Variants in SMARCA2 observed in about 807,000 individuals in gnomAD.
SMARCA2 encodes SWI/SNF-related matrix-associated actin-dependent regulator of chromatin subfamily A member 2.
Under a neutral mutation model 199.8 loss-of-function variants are expected in SMARCA2, and 61 were observed. That is an observed-to-expected ratio of 0.31 (90% CI 0.25 to 0.38). The LOEUF (loss-of-function observed/expected upper bound fraction) is 0.38. Ranked by LOEUF, SMARCA2 falls within the 10% of genes least tolerant of loss-of-function variation. The pLI, the probability that SMARCA2 is intolerant of heterozygous loss-of-function variation, is 1.00. For synonymous variants in SMARCA2, 935 were observed against 732.0 expected (o/e 1.28, Z -4.48); for missense variants, 1,344 against 2,012.2 (o/e 0.67, Z 6.35).
rs537376653 is a variant in SMARCA2, at chr9:2,127,188, G to T, written c.3981+3251G>T. Among the ~76,000 whole-genome samples, 6 of 152,172 alleles carry T rather than the reference G, an allele frequency of 3.9e-5. No individual in the cohort carries two copies. The East Asian group carries it at 7.7e-4, about 20-fold the overall frequency. ...TTTCTTTGCTTGTCCTTCAGTCACA[G>T]TTTCCTAGTATTCTCGGTAGTTGCC... On this transcript the variant is annotated intron_variant, in intron 27 of 33. Transcript: ENST00000349721.
Position 2,087,161 on chromosome 9 carries a change from C to T in SMARCA2, c.2769+90C>T. The T allele has an allele frequency of 2.7e-6, 4 of 1,492,508 alleles. No individual in the cohort carries two copies. In the South Asian group the frequency reaches 3.7e-5, roughly 14 times the overall value. 92.5% of individuals were successfully genotyped at this position (1,492,508 alleles called of 1,614,324 possible). ...TGAGAACATTAGAGCCACAGAACAC[C>T]CGCAGGGTGGTTTCCACTGTTGTTT... On this transcript the variant is annotated intron_variant, in intron 18 of 33. Coordinates refer to ENST00000349721, the MANE Select transcript of SMARCA2 (RefSeq NM_003070.5).
At chr9:2,157,577 T>C (rs1194387635) in intron 27 of SMARCA2, 2 of 266,478 alleles carry the variant, frequency 7.5e-6, no homozygotes, top group Admixed American at 5.4e-5. Flanking sequence ...CCGTTGCACA[T>C]GGAAGAAATT....
chr9:2,146,265 C>G (rs1462820169), intron 27 of SMARCA2, among the ~76,000 whole-genome samples: 1 of 152,138 alleles, frequency 6.6e-6, no homozygotes, highest in Non-Finnish European at 1.5e-5. Flanking sequence ...CAATCATGAC[C>G]TAATCACCTC....
chr9:2,126,837 T>C (rs1266244407), intron 27 of SMARCA2, among the ~76,000 whole-genome samples: 3 of 152,258 alleles, frequency 2.0e-5, no homozygotes. Flanking sequence ...AAACTACCTT[T>C]TTGTCTGTGT....
chr9:2,067,065 C>T (rs1820875261), intron 9 of SMARCA2, among the ~76,000 whole-genome samples: 1 of 152,164 alleles, frequency 6.6e-6, no homozygotes, highest in Non-Finnish European at 1.5e-5. Flanking sequence ...TATCTCTTGT[C>T]ATAGAGTAGA....
chr9:2,099,472 G>A (rs1822413638), intron 21 of SMARCA2, among the ~76,000 whole-genome samples: 1 of 152,174 alleles, frequency 6.6e-6, no homozygotes, highest in Admixed American at 6.5e-5. Context: ...GAAGGGAGAT[G>A]ATGCCTTCTG....
chr9:2,131,599 G>A (rs574642500), intron 27 of SMARCA2, among the ~76,000 whole-genome samples: 12 of 152,228 alleles, frequency 7.9e-5, no homozygotes, highest in South Asian at 2.1e-4. Flanking sequence ...CATGGTGAAC[G>A]TGCCTAAATG....
intron 27 of SMARCA2, among the ~76,000 whole-genome samples, chr9:2,146,122 T>G (rs1226717415): frequency 6.6e-6 from 1 of 152,218 alleles, no homozygotes; most frequent in Non-Finnish European, 1.5e-5. Context: ...AAGTCCAAGA[T>G]CAAGGCACCA....
intron 27 of SMARCA2, among the ~76,000 whole-genome samples, chr9:2,130,106 C>T (rs1378056236): frequency 1.3e-5 from 2 of 152,132 alleles, no homozygotes; most frequent in Non-Finnish European, 2.9e-5. Flanking sequence ...CACCTGCTTC[C>T]GTCTCCCAAA....
intron 22 of SMARCA2, among the ~76,000 whole-genome samples, chr9:2,102,783 C>A (rs770592795): frequency 6.6e-6 from 1 of 152,056 alleles, no homozygotes; most frequent in Non-Finnish European, 1.5e-5. Flanking sequence ...TAAAAAGGTA[C>A]GCCAGACCTC....
chr9:2,089,903 T>C (rs1821978640), intron 19 of SMARCA2, among the ~76,000 whole-genome samples: 1 of 152,206 alleles, frequency 6.6e-6, no homozygotes, highest in Admixed American at 6.5e-5. Context: ...AATTTCTTTT[T>C]TTTTCTTTAC....
At chr9:2,062,723 G>A (rs180769368) in intron 9 of SMARCA2, among the ~76,000 whole-genome samples, 2 of 152,236 alleles carry the variant, frequency 1.3e-5, no homozygotes, top group South Asian at 2.1e-4. Context: ...GAGCTAGGTC[G>A]TGTGCTAGAA....
At position 2,064,906 on chromosome 9, in the gene SMARCA2, T is replaced by C. The variant is rs529731196; in HGVS notation, c.1692+3920T>C. On this transcript the variant is annotated intron_variant, in intron 9 of 33. Coordinates refer to ENST00000349721, the MANE Select transcript of SMARCA2 (RefSeq NM_003070.5). Reference sequence around the variant, plus strand: ...ATTGCTTAAAAGTTTAGCCATCAGCTGGGTGCGGCGGCTCACGCCTGTAAT... The same window carrying C: ...ATTGCTTAAAAGTTTAGCCATCAGCCGGGTGCGGCGGCTCACGCCTGTAAT... 1.1e-4 allele frequency among the ~76,000 whole-genome samples: 16 copies of C among 152,314 alleles called. No individual in the cohort carries two copies. The South Asian group carries it at 2.1e-3, about 20-fold the overall frequency.
At position 2,032,556 on chromosome 9, in the gene SMARCA2, C is replaced by G. The variant is rs550652896; in HGVS notation, c.226-396C>G. On this transcript the variant is annotated intron_variant, in intron 2 of 33. Coordinates refer to ENST00000349721, the MANE Select transcript of SMARCA2 (RefSeq NM_003070.5). Reference sequence around the variant, plus strand: ...TCCAATGAAGAAAAATTACCAAAAACTGGATCATCACAGATGTGTCAAACA... The same window carrying G: ...TCCAATGAAGAAAAATTACCAAAAAGTGGATCATCACAGATGTGTCAAACA... 213 of 154,538 alleles carry G rather than the reference C, an allele frequency of 1.4e-3. 1 individual carries two copies. Among genetic ancestry groups the G allele is most frequent in the African/African-American group, 4.7e-3 (196 of 41,592 alleles). 9.6% of individuals were successfully genotyped at this position (154,538 alleles called of 1,614,324 possible).
chr9:2,091,329 T>C (rs1822051828), intron 19 of SMARCA2, among the ~76,000 whole-genome samples: 1 of 152,220 alleles, frequency 6.6e-6, no homozygotes, highest in South Asian at 2.1e-4. Flanking sequence ...TGTCTATAGC[T>C]TTATCTTTTC....
At chr9:2,176,706 C>A (rs538485575) in intron 29 of SMARCA2, among the ~76,000 whole-genome samples, 21 of 145,162 alleles carry the variant, frequency 1.4e-4, no homozygotes, top group African/African-American at 5.4e-4. Flanking sequence ...GCACATGCCA[C>A]CACGCCTGGC....
rs535910633 is a variant in SMARCA2, at chr9:2,019,492, T to G, written c.-37+4088T>G. Among the ~76,000 whole-genome samples the G allele has an allele frequency of 1.4e-4, 20 of 140,230 alleles. No homozygotes were observed. In the South Asian group the frequency reaches 3.8e-3, roughly 26 times the overall value. 92.0% of individuals were successfully genotyped at this position (140,230 alleles called of 152,430 possible). A position where few individuals can be genotyped will look rare whatever the true frequency, so the allele number is the denominator to read the frequency against. On this transcript the variant is annotated intron_variant, in intron 1 of 33. Coordinates refer to ENST00000349721, the MANE Select transcript of SMARCA2 (RefSeq NM_003070.5). Reference sequence around the variant, plus strand: ...TTTGACCAACACCTGAGGCTTAGAATTGACAAAAAAAAAAAAAAAAAAGTG... The same window carrying G: ...TTTGACCAACACCTGAGGCTTAGAAGTGACAAAAAAAAAAAAAAAAAAGTG...
chr9:2,168,896 A>G (rs958689428), intron 28 of SMARCA2, among the ~76,000 whole-genome samples: 3 of 152,184 alleles, frequency 2.0e-5, no homozygotes, highest in African/African-American at 4.8e-5. Context: ...TAGATGACAG[A>G]GCCATACCTA....
chr9:2,185,203 GCACC>G (rs1335564595), intron 31 of SMARCA2, among the ~76,000 whole-genome samples: 1 of 152,026 alleles, frequency 6.6e-6, no homozygotes, highest in Non-Finnish European at 1.5e-5. Flanking sequence ...CCAGCCCCTG[GCACC>G]CACCATGGCA....
Sources: gnomAD v4.1 joint callset for allele counts (sites outside exome capture counted in the v4.1 genomes callset) on GRCh38, gnomAD v4.1.1 for gene constraint, MANE v1.5 for transcripts, NCBI Gene and HGNC (gene_info 2026-07-23, HGNC 2026-07-21) for gene names.